Variants in SERPINB2 observed in about 807,000 individuals in gnomAD.
The protein encoded by SERPINB2 is plasminogen activator inhibitor 2.
In SERPINB2, 28 loss-of-function variants were observed where a neutral mutation model predicts 39.4. The observed-to-expected ratio is 0.71, with a 90% CI of 0.53 to 0.97. The LOEUF (loss-of-function observed/expected upper bound fraction) is 0.97. Ranked by LOEUF, SERPINB2 falls within the 50% of genes least tolerant of loss-of-function variation. SERPINB2 has a pLI of 0.00. For synonymous variants in SERPINB2, 209 were observed against 175.1 expected (o/e 1.19, Z -1.53); for missense variants, 557 against 505.3 (o/e 1.10, Z -0.98).
intron 2 of SERPINB2, among the ~76,000 whole-genome samples, chr18:63,893,364 A>G (rs963710531): frequency 6.6e-6 from 1 of 152,180 alleles, no homozygotes; most frequent in Non-Finnish European, 1.5e-5. Context: ...ATTGCTCTGG[A>G]CACAAGACAG....
rs1232646280 is a variant in SERPINB2, at chr18:63,903,046, A to T, written c.989A>T (p.Glu330Val). Residue 330 changes from glutamate to valine, a missense_variant, in exon 8 of 8, where the codon GAG becomes GTG. Transcript: ENST00000299502. ...LRSILRSMGM[E>V]DAFNKGRANF... ...TCCATTCTGAGAAGCATGGGCATGG[A>T]GGACGCCTTCAACAAGGGACGGGCC... is the stretch of plus-strand genomic sequence containing the variant. 6.2e-7 allele frequency: 1 copy of T among 1,613,842 alleles called. No homozygotes were observed. Among genetic ancestry groups the T allele is most frequent in the African/African-American group, 1.3e-5 (1 of 75,014 alleles).
At chr18:63,895,126 A>C in intron 2 of SERPINB2, 138 bp from the exon 3 acceptor site, 1 of 918,546 alleles carries the variant, frequency 1.1e-6, no homozygotes, top group Non-Finnish European at 1.6e-6. Context: ...AAGAGTATTG[A>C]GTATCTATGG....
intron 5 of SERPINB2, 97 bp from the exon 6 acceptor site, chr18:63,901,643 A>T: frequency 1.2e-6 from 1 of 836,790 alleles, no homozygotes. Flanking sequence ...CAACTCTGCA[A>T]TTTGAAGAAT....
intron 1 of SERPINB2, chr18:63,890,171 A>G (rs1244249291): frequency 6.6e-6 from 1 of 152,206 alleles, no homozygotes; most frequent in Non-Finnish European, 1.5e-5. Context: ...TGTATTCCAA[A>G]TGAGACATTT....
At chr18:63,889,496 G>A (rs1348158681) in intron 1 of SERPINB2, among the ~76,000 whole-genome samples, 2 of 152,080 alleles carry the variant, frequency 1.3e-5, no homozygotes, top group African/African-American at 2.4e-5. Context: ...AAAGAATCAC[G>A]TATTTAGGTA....
chr18:63,899,569 C>T (rs553699139), intron 5 of SERPINB2, among the ~76,000 whole-genome samples: 28 of 152,078 alleles, frequency 1.8e-4, no homozygotes, highest in Non-Finnish European at 2.8e-4. Context: ...TGAAAATGTC[C>T]TAAGAGAGCT....
chr18:63,897,028 T>C, intron 3 of SERPINB2, 63 bp from the exon 4 acceptor site: 1 of 1,479,216 alleles, frequency 6.8e-7, no homozygotes, highest in Non-Finnish European at 9.2e-7. Context: ...TTACCATGGC[T>C]TAAGAACTAT....
chr18:63,887,832 C>T (rs1211908114), intron 1 of SERPINB2, 62 bp downstream of exon 1: 3 of 152,200 alleles, frequency 2.0e-5, no homozygotes, highest in African/African-American at 7.2e-5. Flanking sequence ...TCTCTTCCCT[C>T]ATGCTGGTAT....
At chr18:63,901,199 C>A (rs1349783954) in intron 5 of SERPINB2, among the ~76,000 whole-genome samples, 1 of 152,154 alleles carries the variant, frequency 6.6e-6, no homozygotes, top group Non-Finnish European at 1.5e-5. Flanking sequence ...GGTTTCACAA[C>A]TGATTTTGAA....
rs770887719 is a variant in SERPINB2, at chr18:63,891,581, C to A, written c.137C>A (p.Ser46Tyr). 1 of 1,613,998 alleles carries A rather than the reference C, an allele frequency of 6.2e-7. No individual in the cohort carries two copies. Among genetic ancestry groups the A allele is most frequent in the Admixed American group, 1.7e-5 (1 of 60,016 alleles). The change falls in exon 2 of 8, where the codon TCC becomes TAC. Residue 46 changes from serine to tyrosine, a missense_variant. Physicochemically the swap from Ser to Tyr is moderately radical, Grantham distance 144 (BLOSUM62 -2). Coordinates refer to ENST00000299502, the MANE Select transcript of SERPINB2 (RefSeq NM_002575.3). ...ACCATGGCCATGGTCTACATGGGCT[C>A]CAGGGGCAGCACCGAAGACCAGATG... ...SSTMAMVYMG[S>Y]RGSTEDQMAK...
At chr18:63,899,938 T>G (rs2049982041) in intron 5 of SERPINB2, among the ~76,000 whole-genome samples, 1 of 152,200 alleles carries the variant, frequency 6.6e-6, no homozygotes, top group South Asian at 2.1e-4. Flanking sequence ...ATTGTGGATT[T>G]GTGAAATACT....
chr18:63,887,861 G>A (rs1475591868), intron 1 of SERPINB2, 91 bp downstream of exon 1: 1 of 151,836 alleles, frequency 6.6e-6, no homozygotes, highest in Non-Finnish European at 1.5e-5. Context: ...TGAAAATTTG[G>A]ATGTGGGGTG....
intron 5 of SERPINB2, among the ~76,000 whole-genome samples, chr18:63,899,515 T>C (rs1322069628): frequency 6.6e-6 from 1 of 152,188 alleles, no homozygotes; most frequent in Non-Finnish European, 1.5e-5. Flanking sequence ...GATTATGAAT[T>C]CAGAATTGTG....
intron 2 of SERPINB2, among the ~76,000 whole-genome samples, chr18:63,894,429 A>G (rs190132407): frequency 1.1e-4 from 17 of 152,326 alleles, no homozygotes; most frequent in African/African-American, 3.6e-4. Flanking sequence ...TCATTAGCAG[A>G]ACCCCAACCA....
intron 5 of SERPINB2, 139 bp from the exon 6 acceptor site, chr18:63,901,597 TTAAA>T: frequency 1.8e-6 from 1 of 541,124 alleles, no homozygotes; most frequent in East Asian, 3.4e-5. Flanking sequence ...TAATTTTGCT[TTAAA>T]TAAACCTAAA....
At chr18:63,901,448 A>C (rs1165319994) in intron 5 of SERPINB2, among the ~76,000 whole-genome samples, 1 of 152,138 alleles carries the variant, frequency 6.6e-6, no homozygotes, top group Non-Finnish European at 1.5e-5. Flanking sequence ...ATAACTTTCA[A>C]CTGCCAAGCT....
In SERPINB2 at chr18:63,891,464, C is replaced by A. The variant is rs1245542277; in HGVS notation, c.20C>A (p.Ala7Glu). The stretch of plus-strand genomic sequence containing the variant: ...GAAACAATGGAGGATCTTTGTGTGG[C>A]AAACACACTCTTTGCCCTCAATTTA... The part of the protein sequence containing the change: MEDLCV[A>E]NTLFALNLFK... The change falls in exon 2 of 8, where the codon GCA becomes GAA. Residue 7 changes from alanine to glutamate, a missense_variant. Transcript: ENST00000299502. 1.2e-6 allele frequency: 2 copies of A among 1,613,900 alleles called. No homozygotes were observed. The highest frequency in any genetic ancestry group is 2.7e-5 in the African/African-American group (2 of 74,902).
Position 63,897,198 on chromosome 18 carries a change from G to A in SERPINB2, c.396G>A (p.Glu132=), listed in dbSNP as rs971397812. Residue 132 remains glutamate (E), a synonymous_variant, in exon 4 of 8, where the codon GAG becomes GAA. Coordinates refer to ENST00000299502, the MANE Select transcript of SERPINB2 (RefSeq NM_002575.3). ...AAAGTGTCAATAAGCTGTTTGGTGA[G>A]AAGTCTGCGAGCTTCCGGGAAGTAA... ...LLESVNKLFG[E]KSASFREEYI... 9 of 1,611,098 alleles carry A rather than the reference G, an allele frequency of 5.6e-6. No homozygotes were observed. Among genetic ancestry groups the A allele is most frequent in the Admixed American group, 3.4e-5 (2 of 59,398 alleles).
rs1393831568 is a variant in SERPINB2 at position 63,903,199 on chromosome 18, C to A, written c.1142C>A (p.Thr381Asn). Residue 381 changes from threonine to asparagine, a missense_variant, in exon 8 of 8, where the codon ACT (threonine) becomes AAT (asparagine). By Grantham distance (65) the Thr-to-Asn change is moderately conservative (BLOSUM62 0). Coordinates refer to ENST00000299502, the MANE Select transcript of SERPINB2 (RefSeq NM_002575.3). ...AGTGGVMTGR[T>N]GHGGPQFVAD... ...ACAGGAGGTGTTATGACAGGGAGAA[C>A]TGGACATGGAGGCCCACAGTTTGTG... is the stretch of plus-strand genomic sequence containing the variant. 3 of 1,613,372 alleles carry A rather than the reference C, an allele frequency of 1.9e-6. No homozygotes were observed. The highest frequency in any genetic ancestry group is 2.7e-5 in the African/African-American group (2 of 74,856).
Sources: gnomAD v4.1 joint callset for allele counts (sites outside exome capture counted in the v4.1 genomes callset) on GRCh38, gnomAD v4.1.1 for gene constraint, MANE v1.5 for transcripts, NCBI Gene and HGNC (gene_info 2026-07-23, HGNC 2026-07-21) for gene names.